Variants in BARD1 observed in about 807,000 individuals in gnomAD.
BARD1 encodes BRCA1 associated RING domain 1, also known as BRCA1-associated RING domain protein 1.
In BARD1, 73 loss-of-function variants were observed where a neutral mutation model predicts 77.0. The ratio of observed to expected loss-of-function variants is 0.95; its 90% CI spans 0.79 to 1.15. The LOEUF is 1.15. Ranked by LOEUF, BARD1 falls within the 50% of genes most tolerant of loss-of-function variation. The pLI is 0.00. For synonymous variants in BARD1, 384 were observed against 338.0 expected, an observed-to-expected ratio of 1.14 and a Z score of -1.49; for missense variants, 993 against 938.8, an observed-to-expected ratio of 1.06 and a Z score of -0.75.
intron 1 of BARD1, among the ~76,000 whole-genome samples, chr2:214,807,704 A>G (rs1206754202): frequency 2.7e-5 from 4 of 148,830 alleles, no homozygotes; most frequent in Non-Finnish European, 4.4e-5. Context: ...CAAGAAAATA[A>G]GCTAATCATT....
rs922383120 is a variant in BARD1 at position 214,801,854 on chromosome 2, G to GT, written c.159-4738_159-4737insA. Among the ~76,000 whole-genome samples, 3 of 149,084 alleles carry GT rather than the reference G, an allele frequency of 2.0e-5. 1 individual carries two copies. The highest frequency in any genetic ancestry group is 4.9e-5 in the African/African-American group (2 of 40,784). ...GTTGAAAACCAAATATTTGGCGGGG[G>GT]GGGGGGTTGTTTTTGTTTTTTTTAA... is the stretch of plus-strand genomic sequence containing the variant. On this transcript the variant is annotated intron_variant, in intron 1 of 10. Transcript: ENST00000260947.
At chr2:214,809,229 A>C (rs1235259399) in intron 1 of BARD1, among the ~76,000 whole-genome samples, 183 bp downstream of exon 1, 1 of 152,162 alleles carries the variant, frequency 6.6e-6, no homozygotes, top group African/African-American at 2.4e-5. Context: ...GTCGCCCAAA[A>C]ATAAAGTGAA....
At chr2:214,745,922 T>A (rs928064771) in intron 7 of BARD1, 68 bp from the exon 8 acceptor site, 5 of 1,543,870 alleles carry the variant, frequency 3.2e-6, no homozygotes, top group Non-Finnish European at 4.5e-6. Flanking sequence ...TTAAACAGAC[T>A]GTTACTTGAT....
rs574216700 is a variant in BARD1, at chr2:214,766,735, C to T, written c.1568+747G>A. Among the ~76,000 whole-genome samples, 224 of 152,240 alleles carry T rather than the reference C, an allele frequency of 1.5e-3. 1 individual carries two copies. The highest frequency in any genetic ancestry group is 5.2e-3 in the African/African-American group (217 of 41,528). Reference sequence around the variant, plus strand: ...AATCATCTCCAGATTACTTGTAATACCTAATAGTATGAAATGCTGTATAAA... The same window carrying T: ...AATCATCTCCAGATTACTTGTAATATCTAATAGTATGAAATGCTGTATAAA... On this transcript the variant is annotated intron_variant, in intron 6 of 10. Coordinates refer to ENST00000260947, the MANE Select transcript of BARD1 (RefSeq NM_000465.4).
At position 214,727,442 on chromosome 2, in the gene BARD1, G is replaced by A. The variant is rs188732422; in HGVS notation, c.*1234C>T. On this transcript the variant is annotated 3_prime_UTR_variant, in exon 11 of 11. Coordinates refer to ENST00000260947, the MANE Select transcript of BARD1 (RefSeq NM_000465.4). The stretch of plus-strand genomic sequence containing the variant: ...CTTCCCCAAGTCTTTAATTTTATAA[G>A]TATATTCAATGTCTAGGAAGGAATT... 587 of 231,670 alleles carry A rather than the reference G, an allele frequency of 2.5e-3. 4 individuals are homozygous for A. Among genetic ancestry groups the A allele is most frequent in the Non-Finnish European group, 3.1e-3 (359 of 117,100 alleles). The allele number at this position is 231,670 out of a possible 1,614,324, so 14.4% of individuals were successfully genotyped here. A position where few individuals can be genotyped will look rare whatever the true frequency, so the allele number is the denominator to read the frequency against.
In BARD1 at chr2:214,780,909, C is replaced by T. The variant is rs774251286; in HGVS notation, c.965G>A (p.Arg322His). Residue 322 changes from arginine to histidine, a missense_variant, in exon 4 of 11, where the codon CGT becomes CAT. Arg to His is a conservative substitution (Grantham distance 29, BLOSUM62 0). Coordinates refer to ENST00000260947, the MANE Select transcript of BARD1 (RefSeq NM_000465.4). ...ACTGGAAAGTCTATTGTGATGGCCA[C>T]GTTTTCCATTATTTTCTAATGGCAA... is the stretch of plus-strand genomic sequence containing the variant. Reference protein sequence around the residue: ...KSLPLENNGKRGHHNRLSSPI... With the variant: ...KSLPLENNGKHGHHNRLSSPI... The T allele has an allele frequency of 1.1e-5, 17 of 1,613,882 alleles. No homozygotes were observed. The highest frequency in any genetic ancestry group is 2.2e-5 in the East Asian group (1 of 44,878).
In BARD1 at chr2:214,727,176, GTTA is replaced by G. The variant is rs1199405082; in HGVS notation, c.*1497_*1499del. On this transcript the variant is annotated 3_prime_UTR_variant, in exon 11 of 11. Transcript: ENST00000260947. Reference sequence around the variant, plus strand: ...CACCCAGCAAGGTCAGGGTCAAAAGGTTATTATTTTGTTCATATATTTCTTGAT... The same window carrying G: ...CACCCAGCAAGGTCAGGGTCAAAAGGTTATTTTGTTCATATATTTCTTGAT... 6.8e-5 allele frequency: 15 copies of G among 221,404 alleles called. No individual in the cohort carries two copies. The highest frequency in any genetic ancestry group is 1.1e-4 in the Non-Finnish European group (12 of 110,610). The allele number at this position is 221,404 out of a possible 1,614,324, so 13.7% of individuals were successfully genotyped here.
chr2:214,809,214 G>A (rs935132668), intron 1 of BARD1, among the ~76,000 whole-genome samples, 198 bp downstream of exon 1: 4 of 152,204 alleles, frequency 2.6e-5, no homozygotes, highest in Non-Finnish European at 5.9e-5. Context: ...AGGGGAGGCC[G>A]GTAAGTCGCC....
At chr2:214,790,252 T>C (rs1350054204) in intron 3 of BARD1, among the ~76,000 whole-genome samples, 2 of 152,126 alleles carry the variant, frequency 1.3e-5, no homozygotes, top group Non-Finnish European at 2.9e-5. Flanking sequence ...TTGTTATAAA[T>C]TGTGTTCCTC....
intron 7 of BARD1, among the ~76,000 whole-genome samples, chr2:214,746,147 T>C (rs1183302812): frequency 6.6e-6 from 1 of 152,206 alleles, no homozygotes; most frequent in Non-Finnish European, 1.5e-5. Flanking sequence ...AGTAAGTCTT[T>C]TTCTTTTCCC....
intron 4 of BARD1, among the ~76,000 whole-genome samples, chr2:214,779,769 G>A (rs977105654): frequency 3.3e-5 from 5 of 152,162 alleles, no homozygotes; most frequent in East Asian, 1.9e-4. Flanking sequence ...ACGTACAGTC[G>A]CTGAGACTGC....
At chr2:214,741,117 A>C (rs947008501) in intron 9 of BARD1, among the ~76,000 whole-genome samples, 9 of 152,128 alleles carry the variant, frequency 5.9e-5, no homozygotes, top group Admixed American at 3.3e-4. Context: ...AACAAAAATG[A>C]AAAAACACTC....
chr2:214,732,906 G>A (rs1432857883), intron 9 of BARD1, among the ~76,000 whole-genome samples: 5 of 151,994 alleles, frequency 3.3e-5, no homozygotes, highest in African/African-American at 4.8e-5. Flanking sequence ...TGGAGTAAGC[G>A]ACAGAACTGA....
chr2:214,799,708 C>T (rs1695928423), intron 1 of BARD1, among the ~76,000 whole-genome samples: 1 of 152,178 alleles, frequency 6.6e-6, no homozygotes, highest in South Asian at 2.1e-4. Context: ...TCCTTTGACA[C>T]AGAAAAAACA....
chr2:214,765,455 T>A (rs1310903723), intron 6 of BARD1, among the ~76,000 whole-genome samples: 1 of 152,158 alleles, frequency 6.6e-6, no homozygotes, highest in Non-Finnish European at 1.5e-5. Flanking sequence ...GCATCACCCA[T>A]GTTTTATAGG....
chr2:214,728,139 AATT>A lies in BARD1; in HGVS notation c.*534_*536del, dbSNP rs1382806637. The A allele has an allele frequency of 5.7e-5, 13 of 229,764 alleles. No individual in the cohort carries two copies. In the Middle Eastern group the frequency reaches 5.2e-3, roughly 92 times the overall value. 14.2% of individuals were successfully genotyped at this position (229,764 alleles called of 1,614,324 possible). A position where few individuals can be genotyped will look rare whatever the true frequency, so the allele number is the denominator to read the frequency against. ...AAGTGTAGAAACACACAACAAAGTAAATTATTAAGAAAAGAAATGAACACAATA... is the reference window on the plus strand; with the variant it reads ...AAGTGTAGAAACACACAACAAAGTAAATTAAGAAAAGAAATGAACACAATA... On this transcript the variant is annotated 3_prime_UTR_variant, in exon 11 of 11. Transcript: ENST00000260947.
chr2:214,782,251 A>G (rs1256667470), intron 3 of BARD1, among the ~76,000 whole-genome samples: 1 of 152,162 alleles, frequency 6.6e-6, no homozygotes, highest in Non-Finnish European at 1.5e-5. Flanking sequence ...CTCTTAAGCA[A>G]AATAAACTAC....
chr2:214,783,874 T>C (rs540905840), intron 3 of BARD1, among the ~76,000 whole-genome samples: 7 of 152,292 alleles, frequency 4.6e-5, no homozygotes, highest in Middle Eastern at 6.8e-3. Context: ...TAACTCAACA[T>C]GGATTAAAGA....
chr2:214,772,103 T>C (rs1694525087), intron 4 of BARD1, among the ~76,000 whole-genome samples: 2 of 151,768 alleles, frequency 1.3e-5, no homozygotes, highest in South Asian at 4.2e-4. Flanking sequence ...AGTATGCTAC[T>C]GCTAGGCATA....
Sources: gnomAD v4.1 joint callset for allele counts (sites outside exome capture counted in the v4.1 genomes callset) on GRCh38, gnomAD v4.1.1 for gene constraint, MANE v1.5 for transcripts, NCBI Gene and HGNC (gene_info 2026-07-23, HGNC 2026-07-21) for gene names.